SHANK2: variants seen among roughly 807,000 people sequenced by gnomAD.
SHANK2 encodes SH3 and multiple ankyrin repeat domains protein 2.
SHANK2 carries 43 observed loss-of-function variants against 133.7 expected under a neutral mutation model. The observed-to-expected ratio is 0.32, with a 90% CI of 0.25 to 0.41. The LOEUF is 0.41. Ranked by LOEUF, SHANK2 falls within the 10% of genes least tolerant of loss-of-function variation. SHANK2 has a pLI of 1.00. For missense variants in SHANK2, 1,994 were observed against 2,235.8 expected (o/e 0.89, Z 2.18); for synonymous variants, 1,017 against 952.8 (o/e 1.07, Z -1.24).
intron 17 of SHANK2, among the ~76,000 whole-genome samples, chr11:70,523,915 A>G (rs2135940610): frequency 6.6e-6 from 1 of 152,186 alleles, no homozygotes; most frequent in Admixed American, 6.5e-5. Flanking sequence ...GCTGCTCCGC[A>G]CGGCCACTGC....
chr11:70,899,494 G>A (rs1416004362), intron 10 of SHANK2, among the ~76,000 whole-genome samples: 3 of 152,192 alleles, frequency 2.0e-5, no homozygotes, highest in East Asian at 3.9e-4. Context: ...AGATGTGGGG[G>A]AAGCCTCCTG....
In SHANK2 at chr11:70,472,790, G is replaced by T; in HGVS notation, c.*79C>A. ...AGTGGGGTTGATGCTCACAGACTTC[G>T]CTTGGCATTCAGATGTTTCAGCACG... On this transcript the variant is annotated 3_prime_UTR_variant, in exon 26 of 26. Coordinates refer to ENST00000601538, the MANE Select transcript of SHANK2 (RefSeq NM_012309.5). This position sits in a 1 kb window ranked among gnomAD's most constrained non-coding sequence, Gnocchi z 4.4. 2.9e-6 allele frequency: 4 copies of T among 1,382,864 alleles called. No individual in the cohort carries two copies. The highest frequency in any genetic ancestry group is 3.3e-5 in the Admixed American group (2 of 59,746). 85.7% of individuals were successfully genotyped at this position (1,382,864 alleles called of 1,614,324 possible). A position where few individuals can be genotyped will look rare whatever the true frequency, so the allele number is the denominator to read the frequency against.
At chr11:70,536,791 G>A (rs1258767544) in intron 17 of SHANK2, among the ~76,000 whole-genome samples, 1 of 152,196 alleles carries the variant, frequency 6.6e-6, no homozygotes, top group Non-Finnish European at 1.5e-5. Context: ...AAGGTGGCAT[G>A]TCTCATCACT....
intron 17 of SHANK2, among the ~76,000 whole-genome samples, chr11:70,555,483 C>CG (rs1554979306): frequency 6.6e-6 from 1 of 152,228 alleles, no homozygotes; most frequent in South Asian, 2.1e-4. Flanking sequence ...GGGCGGCTCA[C>CG]GCCTGTAATG....
At position 71,210,210 on chromosome 11, in the gene SHANK2, G is replaced by GTGTATATATATATATA. The variant is rs1491563939; in HGVS notation, c.-13+14486_-13+14487insTATATATATATATACA. 1.0e-3 allele frequency among the ~76,000 whole-genome samples: 54 copies of GTGTATATATATATATA among 54,062 alleles called. 1 individual carries two copies. Among genetic ancestry groups the GTGTATATATATATATA allele is most frequent in the East Asian group, 6.4e-3 (6 of 944 alleles). 35.5% of individuals were successfully genotyped at this position (54,062 alleles called of 152,430 possible). On this transcript the variant is annotated intron_variant, in intron 2 of 25. Transcript: ENST00000601538. ...GGTCCTCTTCATTGGAAATCCACAG[G>GTGTATATATATATATA]TATATATATATATATATATATATAT...
intron 2 of SHANK2, among the ~76,000 whole-genome samples, chr11:71,190,277 G>C (rs1265434889): frequency 2.0e-5 from 3 of 152,252 alleles, no homozygotes; most frequent in African/African-American, 4.8e-5. Context: ...CAGCTGCAAA[G>C]GTGGGCGTTG....
At chr11:71,116,741 G>T (rs1951986891) in intron 4 of SHANK2, among the ~76,000 whole-genome samples, 1 of 152,178 alleles carries the variant, frequency 6.6e-6, no homozygotes, top group African/African-American at 2.4e-5. Context: ...GAGGTCTTTG[G>T]GTCCTGGGGC....
intron 25 of SHANK2, among the ~76,000 whole-genome samples, chr11:70,477,998 G>T (rs537468271): frequency 6.6e-6 from 1 of 151,976 alleles, no homozygotes; most frequent in Admixed American, 6.6e-5. Flanking sequence ...TCCCCACCAG[G>T]TCACCACTGT....
chr11:70,931,645 C>G (rs1950506152), intron 10 of SHANK2, among the ~76,000 whole-genome samples: 1 of 152,234 alleles, frequency 6.6e-6, no homozygotes, highest in Non-Finnish European at 1.5e-5. Context: ...CCCTCACCCG[C>G]CCCTCTGAAA....
chr11:70,585,741 A>T (rs1474818084), intron 17 of SHANK2, among the ~76,000 whole-genome samples: 1 of 151,324 alleles, frequency 6.6e-6, no homozygotes, highest in African/African-American at 2.4e-5. Flanking sequence ...CCAACTAGCC[A>T]TCCATCCATC....
chr11:71,073,136 C>CTTTTTTT (rs1178533659), intron 9 of SHANK2, among the ~76,000 whole-genome samples: 1 of 72,336 alleles, frequency 1.4e-5, no homozygotes, highest in Non-Finnish European at 3.5e-5. Context: ...TGTTTTTTTT[C>CTTTTTTT]TTTTTCTTTT....
intron 15 of SHANK2, among the ~76,000 whole-genome samples, chr11:70,671,066 C>T (rs1555015939): frequency 1.3e-5 from 2 of 152,202 alleles, no homozygotes; most frequent in East Asian, 3.9e-4. Flanking sequence ...CAAGTTTTTC[C>T]TAATAGAAAC....
chr11:71,105,671 C>T (rs960210842), intron 6 of SHANK2, among the ~76,000 whole-genome samples: 17 of 151,106 alleles, frequency 1.1e-4, no homozygotes, highest in South Asian at 8.4e-4. Context: ...GAGGAGCTCT[C>T]GGGCAGTGAA....
rs1565282180 is a variant in SHANK2, at chr11:70,739,218, C to T, written c.1778-40455G>A. Among the ~76,000 whole-genome samples, 1 of 152,182 alleles carries T rather than the reference C, an allele frequency of 6.6e-6. No individual in the cohort carries two copies. Among genetic ancestry groups the T allele is most frequent in the Non-Finnish European group, 1.5e-5 (1 of 68,036 alleles). Reference sequence around the variant, plus strand: ...GCCAGAGGGCCTGATGGTGGGGATGCGGCATGTGAACTTCAGGGGCACACA... The same window carrying T: ...GCCAGAGGGCCTGATGGTGGGGATGTGGCATGTGAACTTCAGGGGCACACA... On this transcript the variant is annotated intron_variant, in intron 14 of 25. Coordinates refer to ENST00000601538, the MANE Select transcript of SHANK2 (RefSeq NM_012309.5). The surrounding 1 kb of genome is among the most constrained non-coding windows in gnomAD (Gnocchi z 4.3).
chr11:70,737,164 C>T (rs114455253), intron 14 of SHANK2, among the ~76,000 whole-genome samples: 1,746 of 152,308 alleles, frequency 0.011, 28 homozygotes, highest in African/African-American at 0.04. Context: ...AGTCAGGTCC[C>T]TCACAGGCTG....
intron 11 of SHANK2, among the ~76,000 whole-genome samples, chr11:70,856,731 A>T (rs1223897716): frequency 6.6e-6 from 1 of 152,192 alleles, no homozygotes; most frequent in Non-Finnish European, 1.5e-5. Context: ...TGAGGGAGGC[A>T]TCTGATTCCT....
In SHANK2 at chr11:70,486,372, C is replaced by T. The variant is rs782586137; in HGVS notation, c.3921G>A (p.Gln1307=). 10 of 1,613,846 alleles carry T rather than the reference C, an allele frequency of 6.2e-6. No homozygotes were observed. The East Asian group carries it at 1.6e-4, about 25-fold the overall frequency. The change falls in exon 25 of 26, where the codon CAG becomes CAA. Residue 1307 remains glutamine, a synonymous_variant. Transcript: ENST00000601538. The surrounding 1 kb of genome is among the most constrained non-coding windows in gnomAD (Gnocchi z 8.0). ...NMLIDIMDTS[Q]QKSAGLLMVH... ...CCATCAGCAGGCCAGCCGACTTCTG[C>T]TGGGACGTGTCCATGATGTCGATCA...
chr11:70,818,509 T>C (rs1191970075), intron 12 of SHANK2, among the ~76,000 whole-genome samples: 1 of 152,122 alleles, frequency 6.6e-6, no homozygotes, highest in Non-Finnish European at 1.5e-5. Flanking sequence ...TTAGATTTTG[T>C]ACTGGGTGAA....
At chr11:70,600,034 G>T (rs1007810202) in intron 17 of SHANK2, among the ~76,000 whole-genome samples, 9 of 152,076 alleles carry the variant, frequency 5.9e-5, no homozygotes, top group African/African-American at 2.2e-4. Context: ...TTCCCAAATT[G>T]GTCTATTCTG....
Sources: allele counts gnomAD v4.1 joint callset (sites outside exome capture counted in the v4.1 genomes callset), GRCh38; gene constraint gnomAD v4.1.1; non-coding constraint Gnocchi (gnomAD v3.1); transcripts MANE v1.5; gene names NCBI Gene and HGNC (gene_info 2026-07-23, HGNC 2026-07-21).